The following C4orf50 variants were observed in gnomAD, a reference collection of about 807,000 sequenced individuals.
C4orf50 encodes uncharacterized protein C4orf50.
Under a neutral mutation model 77.2 loss-of-function variants are expected in C4orf50, and 80 were observed. That is an observed-to-expected ratio of 1.04 (90% CI 0.87 to 1.25). C4orf50 has a LOEUF of 1.25. Among genes scored for constraint, C4orf50 ranks in the 50% most tolerant of loss-of-function variants. C4orf50 has a pLI of 0.00. For synonymous variants in C4orf50, 532 were observed against 465.3 expected (o/e 1.14, Z -1.84); for missense variants, 1,257 against 1,152.9 (o/e 1.09, Z -1.31).
intron 25 of C4orf50, among the ~76,000 whole-genome samples, chr4:5,998,262 A>AGCT (rs1721682126): frequency 6.6e-6 from 1 of 152,140 alleles, no homozygotes; most frequent in African/African-American, 2.4e-5. Flanking sequence ...TAACTAATGG[A>AGCT]GCTGTCCATA....
rs537176592 is a variant in C4orf50 at position 5,909,727 on chromosome 4, T to A, written c.*2475-11539A>T. ...CTAGTTTCAATCTTCTGCGTGTGAA[T>A]ATCCAGTTTCCCTAGCACCATTTAT... On this transcript the variant is annotated intron_variant, in intron 7 of 7. Coordinates refer to the C4orf50 transcript ENST00000324058. Among the ~76,000 whole-genome samples, 7 of 152,378 alleles carry A rather than the reference T, an allele frequency of 4.6e-5. 1 individual carries two copies. In the South Asian group the frequency reaches 1.4e-3, roughly 32 times the overall value.
intron 7 of C4orf50, among the ~76,000 whole-genome samples, chr4:5,935,557 G>A (rs530993774): frequency 6.6e-6 from 1 of 152,238 alleles, no homozygotes; most frequent in Non-Finnish European, 1.5e-5. Flanking sequence ...GGAGGTCAAG[G>A]CAGGCGGATA....
rs1401844788 is a variant in C4orf50 at position 5,900,469 on chromosome 4, G to T, written c.*2475-2281C>A. 1 of 151,968 alleles carries T rather than the reference G, an allele frequency of 6.6e-6. No homozygotes were observed. Among genetic ancestry groups the T allele is most frequent in the African/African-American group, 2.4e-5 (1 of 41,352 alleles). 9.4% of individuals were successfully genotyped at this position (151,968 alleles called of 1,614,324 possible). A position where few individuals can be genotyped will look rare whatever the true frequency, so the allele number is the denominator to read the frequency against. On this transcript the variant is annotated intron_variant, in intron 7 of 7. Transcript: ENST00000324058. This position sits in a 1 kb window ranked among gnomAD's most constrained non-coding sequence, Gnocchi z 4.3. Reference sequence around the variant, plus strand: ...TAGGTGAGTTTCCAAGATATCCTGGGATTCAGGGCTTCCCCAGGGCGAAAT... The same window carrying T: ...TAGGTGAGTTTCCAAGATATCCTGGTATTCAGGGCTTCCCCAGGGCGAAAT...
At chr4:5,915,078 GC>G (rs773804172) in intron 7 of C4orf50, among the ~76,000 whole-genome samples, 70 of 152,234 alleles carry the variant, frequency 4.6e-4, no homozygotes, top group South Asian at 3.5e-3. Flanking sequence ...AAATGTCTCT[GC>G]CCTGCTTCCA....
intron 23 of C4orf50, among the ~76,000 whole-genome samples, chr4:6,014,008 T>G (rs1487329927): frequency 7.2e-5 from 11 of 151,750 alleles, no homozygotes; most frequent in Admixed American, 7.2e-4. Context: ...GTTGTGTGTT[T>G]TTTTTTTTTT....
At chr4:6,012,834 G>A (rs1357206727) in intron 23 of C4orf50, among the ~76,000 whole-genome samples, 3 of 152,224 alleles carry the variant, frequency 2.0e-5, no homozygotes, top group Non-Finnish European at 4.4e-5. Context: ...ACTGTGCCTA[G>A]TTTCCAAGTC....
intron 7 of C4orf50, among the ~76,000 whole-genome samples, chr4:5,946,502 A>G (rs958783876): frequency 6.6e-6 from 1 of 152,172 alleles, no homozygotes; most frequent in Non-Finnish European, 1.5e-5. Flanking sequence ...AGGCATGTAG[A>G]ACATTCTATG....
At chr4:5,939,945 C>T (rs1484485615) in intron 7 of C4orf50, among the ~76,000 whole-genome samples, 3 of 152,214 alleles carry the variant, frequency 2.0e-5, no homozygotes, top group African/African-American at 7.2e-5. Context: ...ATCCTCTGCC[C>T]CACTTTTTGA....
At chr4:5,930,286 T>C (rs901497030) in intron 7 of C4orf50, among the ~76,000 whole-genome samples, 1 of 152,172 alleles carries the variant, frequency 6.6e-6, no homozygotes, top group Admixed American at 6.5e-5. Flanking sequence ...CAACCAATTA[T>C]AAGAGGTAAC....
chr4:5,981,543 T>A (rs112885004), intron 28 of C4orf50, among the ~76,000 whole-genome samples: 12,241 of 152,002 alleles, frequency 0.081, 714 homozygotes, highest in Non-Finnish European at 0.11. Flanking sequence ...TAGCTGGGAT[T>A]GCAGATATGT....
rs1209968209 is a variant in C4orf50, at chr4:5,994,479, GGAGGAAGACA to G, written c.964-13_964-4del. On this transcript the variant is annotated splice_polypyrimidine_tract_variant and splice_region_variant and intron_variant, in intron 25 of 33. Coordinates refer to ENST00000531445, the Ensembl canonical transcript of C4orf50. Reference sequence around the variant, plus strand: ...CCCTGAACACAGCCCAGAGCATCCTGGAGGAAGACAGAGGAAGTCAGGAGCCGTCAGTGTC... The same window carrying G: ...CCCTGAACACAGCCCAGAGCATCCTGGAGGAAGTCAGGAGCCGTCAGTGTC... The G allele has an allele frequency of 3.3e-5, 13 of 399,094 alleles. No homozygotes were observed. The highest frequency in any genetic ancestry group is 5.3e-5 in the Non-Finnish European group (12 of 226,278). The allele number at this position is 399,094 out of a possible 1,614,324, so 24.7% of individuals were successfully genotyped here.
In C4orf50 at chr4:5,962,644, G is replaced by A. The variant is rs190597240; in HGVS notation, c.4275+2380C>T. On this transcript the variant is annotated intron_variant, in intron 33 of 33. Transcript: ENST00000531445. Reference sequence around the variant, plus strand: ...GATCAGAGGGCCAGCTCCGGAGCCAGGTGCCCCTGGTTGGAAGCCCAGCTC... The same window carrying A: ...GATCAGAGGGCCAGCTCCGGAGCCAAGTGCCCCTGGTTGGAAGCCCAGCTC... Among the ~76,000 whole-genome samples the A allele has an allele frequency of 5.5e-3, 832 of 152,350 alleles. 1 individual carries two copies. Among genetic ancestry groups the A allele is most frequent in the Admixed American group, 9.3e-3 (143 of 15,306 alleles).
rs999548492 is a variant in C4orf50 at position 5,965,012 on chromosome 4, G to A, written c.4275+12C>T. The A allele has an allele frequency of 6.2e-7, 1 of 1,607,584 alleles. No individual in the cohort carries two copies. The highest frequency in any genetic ancestry group is 1.7e-5 in the Admixed American group (1 of 58,494). Reference sequence around the variant, plus strand: ...GTTCATTTAGGAAATGAGGTGACAGGTGCCTTCTCACCTTCAGAGAATCCA... The same window carrying A: ...GTTCATTTAGGAAATGAGGTGACAGATGCCTTCTCACCTTCAGAGAATCCA... On this transcript the variant is annotated intron_variant, in intron 33 of 33. Coordinates refer to ENST00000531445, the Ensembl canonical transcript of C4orf50.
At chr4:5,980,050 AAT>A (rs1255148401) in intron 29 of C4orf50, 122 bp downstream of exon 7, 1 of 681,738 alleles carries the variant, frequency 1.5e-6, no homozygotes, top group Non-Finnish European at 2.3e-6. Flanking sequence ...ATACTTTAAA[AAT>A]CCAGTACCTG....
intron 7 of C4orf50, among the ~76,000 whole-genome samples, chr4:5,910,338 C>T (rs1206406909): frequency 3.3e-5 from 5 of 152,300 alleles, no homozygotes; most frequent in African/African-American, 4.8e-5. Context: ...GGATAGTTAG[C>T]ATTTCTCATA....
chr4:5,899,330 A>G (rs1472475063), intron 7 of C4orf50: 1 of 152,220 alleles, frequency 6.6e-6, no homozygotes, highest in Non-Finnish European at 1.5e-5. Context: ...GATGCAAACA[A>G]CTGCACCCAA....
chr4:5,977,601 G>T (rs1448364580), intron 29 of C4orf50, among the ~76,000 whole-genome samples: 2 of 152,028 alleles, frequency 1.3e-5, no homozygotes, highest in Non-Finnish European at 2.9e-5. Flanking sequence ...CCAGTTCCTT[G>T]TTTATGGAAA....
chr4:5,952,793 G>A (rs4431167), downstream of C4orf50, among the ~76,000 whole-genome samples: 95,207 of 152,042 alleles, frequency 0.63, 30,560 homozygotes, highest in Non-Finnish European at 0.67. The surrounding 1 kb of genome is among the most constrained non-coding windows in gnomAD (Gnocchi z 4.4). Flanking sequence ...CGTGCTCAGA[G>A]AGGCCATGGA....
intron 25 of C4orf50, among the ~76,000 whole-genome samples, chr4:5,997,757 A>T (rs1003567030): frequency 9.0e-4 from 137 of 152,358 alleles, no homozygotes; most frequent in Non-Finnish European, 1.2e-3. Flanking sequence ...TCCTATGCAT[A>T]GACATTGCGA....
Sources: gnomAD v4.1 joint callset for allele counts (sites outside exome capture counted in the v4.1 genomes callset) on GRCh38, gnomAD v4.1.1 for gene constraint, Gnocchi (gnomAD v3.1) non-coding constraint, MANE v1.5 for transcripts, NCBI Gene and HGNC (gene_info 2026-07-23, HGNC 2026-07-21) for gene names.